Variants in ZNF681 observed in about 807,000 individuals in gnomAD.
The protein encoded by ZNF681 is hypothetical protein FLJ31526.
A neutral mutation model predicts 56.0 loss-of-function variants in ZNF681; 37 were observed. That is an observed-to-expected ratio of 0.66 (90% CI 0.51 to 0.87). The LOEUF is 0.87. ZNF681 is among the 40% of genes least tolerant of loss of function. The probability of loss-of-function intolerance (pLI) is 0.00; values close to 1 mark genes in which losing one functional copy is unlikely to be tolerated. For missense variants in ZNF681, 741 were observed against 744.9 expected (o/e 0.99, Z 0.06); for synonymous variants, 225 against 248.6 (o/e 0.91, Z 0.89).
Position 23,744,661 on chromosome 19 carries a change from G to A in ZNF681, c.889C>T (p.Leu297Phe). The A allele has an allele frequency of 6.3e-7, 1 of 1,596,372 alleles. No homozygotes were observed. Residue 297 changes from leucine to phenylalanine, a missense_variant, in exon 4 of 4, where the codon CTT becomes TTT. Leu to Phe is a conservative substitution (Grantham distance 22). Coordinates refer to ENST00000402377, the MANE Select transcript of ZNF681 (RefSeq NM_138286.3). ...GTATGAATTATCTTATGTGTAGTAAGGGTTAAGGACTGATTAAAGGCTTTG... is the reference window on the plus strand; with the variant it reads ...GTATGAATTATCTTATGTGTAGTAAAGGTTAAGGACTGATTAAAGGCTTTG... The part of the protein sequence containing the change: ...CDKAFNQSLT[L>F]TTHKIIHTRE...
chr19:23,746,094 C>A (rs1968940862), intron 3 of ZNF681, among the ~76,000 whole-genome samples: 1 of 152,066 alleles, frequency 6.6e-6, no homozygotes, highest in Admixed American at 6.6e-5. Flanking sequence ...GCAGGCAAAT[C>A]AACTGAGGTC....
Position 23,740,973 on chromosome 19 carries a change from A to C in ZNF681, c.*2639T>G, listed in dbSNP as rs573429283. On this transcript the variant is annotated 3_prime_UTR_variant, in exon 4 of 4. Transcript: ENST00000402377. ...CAGGCAAGTAAAAACAAAAATTTGC[A>C]TAGGGAGATTCTGAATTATAAGCCA... The C allele has an allele frequency of 2.0e-5, 3 of 152,272 alleles. No homozygotes were observed. In the South Asian group the frequency reaches 6.2e-4, roughly 32 times the overall value. 9.4% of individuals were successfully genotyped at this position (152,272 alleles called of 1,614,324 possible).
Position 23,740,951 on chromosome 19 carries a change from G to C in ZNF681, c.*2661C>G, listed in dbSNP as rs762253212. 6.6e-6 allele frequency: 1 copy of C among 151,908 alleles called. No individual in the cohort carries two copies. The highest frequency in any genetic ancestry group is 1.5e-5 in the Non-Finnish European group (1 of 67,966). The allele number at this position is 151,908 out of a possible 1,614,324, so 9.4% of individuals were successfully genotyped here. A position where few individuals can be genotyped will look rare whatever the true frequency, so the allele number is the denominator to read the frequency against. On this transcript the variant is annotated 3_prime_UTR_variant, in exon 4 of 4. Coordinates refer to ENST00000402377, the MANE Select transcript of ZNF681 (RefSeq NM_138286.3). ...ATTATGGGTCTAGCCTAAGAATCAG[G>C]CAAGTAAAAACAAAAATTTGCATAG...
rs1282597706 is a variant in ZNF681, at chr19:23,743,902, C to G, written c.1648G>C (p.Ala550Pro). The change falls in exon 4 of 4, where the codon GCT (alanine) becomes CCT (proline). Residue 550 changes from alanine to proline, a missense_variant. Coordinates refer to ENST00000402377, the MANE Select transcript of ZNF681 (RefSeq NM_138286.3). The stretch of plus-strand genomic sequence containing the variant: ...CCAGTATGAATTACCTTATGTGTAG[C>G]AAGATGTGAGGAATGGTTAAAGGCT... ...GKAFNHSSHL[A>P]THKVIHTGEK... 1 of 1,589,028 alleles carries G rather than the reference C, an allele frequency of 6.3e-7. No individual in the cohort carries two copies. The highest frequency in any genetic ancestry group is 1.1e-5 in the South Asian group (1 of 89,430).
chr19:23,739,686 T>C lies in ZNF681; in HGVS notation c.*3926A>G, dbSNP rs981828590. The C allele has an allele frequency of 2.6e-5, 4 of 152,138 alleles. No homozygotes were observed. Among genetic ancestry groups the C allele is most frequent in the African/African-American group, 9.7e-5 (4 of 41,438 alleles). The allele number at this position is 152,138 out of a possible 1,614,324, so 9.4% of individuals were successfully genotyped here. ...CCACTCTGTGAACACAGTAAACAAG[T>C]TTGCACGCAAAATAATAGAAAATGT... is the stretch of plus-strand genomic sequence containing the variant. On this transcript the variant is annotated 3_prime_UTR_variant, in exon 4 of 4. Transcript: ENST00000402377.
Position 23,748,799 on chromosome 19 carries a change from T to C in ZNF681, c.227-3476A>G, listed in dbSNP as rs62118600. ...ACAGGAAATTACATTTGTAGAGAAA[T>C]GCATAAAAATCACGTGAAAAAAACT... On this transcript the variant is annotated intron_variant, in intron 3 of 3. Coordinates refer to ENST00000402377, the MANE Select transcript of ZNF681 (RefSeq NM_138286.3). 8.3e-3 allele frequency among the ~76,000 whole-genome samples: 1,256 copies of C among 152,190 alleles called. 5 individuals carry two copies. Among genetic ancestry groups the C allele is most frequent in the Non-Finnish European group, 0.013 (900 of 68,012 alleles).
chr19:23,746,653 A>T (rs1968948955), intron 3 of ZNF681, among the ~76,000 whole-genome samples: 1 of 152,220 alleles, frequency 6.6e-6, no homozygotes, highest in Non-Finnish European at 1.5e-5. Context: ...TCTGCATCCA[A>T]CATTGAGGAC....
In ZNF681 at chr19:23,745,066, C is replaced by A. The variant is rs766572355; in HGVS notation, c.484G>T (p.Val162Leu). The A allele has an allele frequency of 5.0e-6, 8 of 1,598,032 alleles. No homozygotes were observed. The South Asian group carries it at 7.9e-5, about 16-fold the overall frequency. The change falls in exon 4 of 4, where the codon GTA becomes TTA. Residue 162 changes from valine (V) to leucine (L), a missense_variant. Physicochemically the swap from Val to Leu is conservative, Grantham distance 32 (BLOSUM62 1). Coordinates refer to ENST00000402377, the MANE Select transcript of ZNF681 (RefSeq NM_138286.3). ...HKFSNLNGHK[V>L]RHTRKKPFKY... ...AAAGGTTTTTTTCTGGTGTGTCTTA[C>A]CTTATGTCCATTTAAATTTGAAAAT...
rs545212630 is a variant in ZNF681 at position 23,754,880 on chromosome 19, CCA to C, written c.167_168del (p.Leu56ArgfsTer9). On this transcript the variant is annotated frameshift_variant, in exon 3 of 4. Transcript: ENST00000402377. LOFTEE classifies it high-confidence loss of function. ...CTAGTCCAAGGCTCTTTTTCTTGTT[CCA>C]GACAGGTGATCAGGTCTGGCTTAGA... Reference protein sequence around the residue: ...VVSKPDLITCLEQEKEPWTRK... With the variant: ...VVSKPDLITCXEQEKEPWTRK... 1 of 1,613,978 alleles carries C rather than the reference CCA, an allele frequency of 6.2e-7. No homozygotes were observed. Among genetic ancestry groups the C allele is most frequent in the South Asian group, 1.1e-5 (1 of 91,062 alleles).
intron 3 of ZNF681, among the ~76,000 whole-genome samples, chr19:23,749,144 T>G (rs1044618037): frequency 2.0e-5 from 3 of 152,104 alleles, no homozygotes; most frequent in African/African-American, 7.2e-5. Flanking sequence ...ATAAATACAA[T>G]GGAATATTAT....
rs768126821 is a variant in ZNF681, at chr19:23,739,739, G to A, written c.*3873C>T. On this transcript the variant is annotated 3_prime_UTR_variant, in exon 4 of 4. Transcript: ENST00000402377. ...TTATCTAAAAGCTGCCATGATCTTC[G>A]AATGTTTTCCAGAGAATATGACCAA... The A allele has an allele frequency of 1.3e-5, 2 of 152,040 alleles. No homozygotes were observed. Among genetic ancestry groups the A allele is most frequent in the Non-Finnish European group, 2.9e-5 (2 of 68,008 alleles). 9.4% of individuals were successfully genotyped at this position (152,040 alleles called of 1,614,324 possible).
At chr19:23,755,363 A>G in intron 2 of ZNF681, 62 bp downstream of exon 2, 2 of 1,540,156 alleles carry the variant, frequency 1.3e-6, no homozygotes, top group Non-Finnish European at 1.7e-6. Flanking sequence ...AAAACATTAT[A>G]CAAAAAAGAA....
chr19:23,743,592 T>G lies in ZNF681; in HGVS notation c.*20A>C. 1 of 1,457,760 alleles carries G rather than the reference T, an allele frequency of 6.9e-7. No individual in the cohort carries two copies. The highest frequency in any genetic ancestry group is 9.0e-7 in the Non-Finnish European group (1 of 1,105,614). The allele number at this position is 1,457,760 out of a possible 1,614,324, so 90.3% of individuals were successfully genotyped here. A position where few individuals can be genotyped will look rare whatever the true frequency, so the allele number is the denominator to read the frequency against. On this transcript the variant is annotated 3_prime_UTR_variant, in exon 4 of 4. Transcript: ENST00000402377. ...TCAAGTGTGACAACTTTTAAAGGTT[T>G]TGTTACATTCTTCACATTTCTAAGA...
intron 1 of ZNF681, among the ~76,000 whole-genome samples, chr19:23,755,760 G>T (rs1294985825): frequency 1.3e-5 from 2 of 152,030 alleles, no homozygotes; most frequent in Admixed American, 1.3e-4. Context: ...CTCCAACCAT[G>T]AGAAAAGAAA....
Position 23,740,123 on chromosome 19 carries a change from G to T in ZNF681, c.*3489C>A, listed in dbSNP as rs2144834616. ...CAAACAGAGAAAAACAACGCTAAAT[G>T]ATTTAATCCTTTCATCTGTGGACAC... is the stretch of plus-strand genomic sequence containing the variant. On this transcript the variant is annotated 3_prime_UTR_variant, in exon 4 of 4. Transcript: ENST00000402377. 1 of 152,220 alleles carries T rather than the reference G, an allele frequency of 6.6e-6. No homozygotes were observed. Among genetic ancestry groups the T allele is most frequent in the African/African-American group, 2.4e-5 (1 of 41,532 alleles). The allele number at this position is 152,220 out of a possible 1,614,324, so 9.4% of individuals were successfully genotyped here.
At chr19:23,758,318 C>T (rs562167858) in intron 1 of ZNF681, among the ~76,000 whole-genome samples, 1 of 152,318 alleles carries the variant, frequency 6.6e-6, no homozygotes, top group African/African-American at 2.4e-5. Context: ...CTCGGCCTCC[C>T]AAAGTGCTGG....
rs1341663138 is a variant in ZNF681, at chr19:23,741,319, G to C, written c.*2293C>G. ...GAAAAATATATAACAATTTTTTAAT[G>C]TTAATTCAGGTCTCAGAAATGTATG... On this transcript the variant is annotated 3_prime_UTR_variant, in exon 4 of 4. Coordinates refer to ENST00000402377, the MANE Select transcript of ZNF681 (RefSeq NM_138286.3). 3 of 152,140 alleles carry C rather than the reference G, an allele frequency of 2.0e-5. No homozygotes were observed. Among genetic ancestry groups the C allele is most frequent in the Non-Finnish European group, 4.4e-5 (3 of 68,024 alleles). The allele number at this position is 152,140 out of a possible 1,614,324, so 9.4% of individuals were successfully genotyped here.
rs1302813566 is a variant in ZNF681 at position 23,740,169 on chromosome 19, T to A, written c.*3443A>T. The A allele has an allele frequency of 1.3e-5, 2 of 152,168 alleles. No homozygotes were observed. The highest frequency in any genetic ancestry group is 2.4e-5 in the African/African-American group (1 of 41,450). The allele number at this position is 152,168 out of a possible 1,614,324, so 9.4% of individuals were successfully genotyped here. A position where few individuals can be genotyped will look rare whatever the true frequency, so the allele number is the denominator to read the frequency against. On this transcript the variant is annotated 3_prime_UTR_variant, in exon 4 of 4. Transcript: ENST00000402377. ...GACACTGTATGCTTTTTGTTTTAAT[T>A]TAACTGATCAGAAAATTATATTGAT...
chr19:23,756,257 G>A (rs1181334483), intron 1 of ZNF681, among the ~76,000 whole-genome samples: 2 of 151,908 alleles, frequency 1.3e-5, no homozygotes, highest in African/African-American at 2.4e-5. Flanking sequence ...CCCAGGAGGC[G>A]GAGCTTGCAG....
Sources: allele counts gnomAD v4.1 joint callset (sites outside exome capture counted in the v4.1 genomes callset), GRCh38; gene constraint gnomAD v4.1.1; transcripts MANE v1.5; gene names NCBI Gene and HGNC (gene_info 2026-07-23, HGNC 2026-07-21).